The following CABP7 variants were observed in gnomAD, a reference collection of about 807,000 sequenced individuals.
The protein encoded by CABP7 is calcium binding protein 7.
CABP7 carries 13 observed loss-of-function variants against 23.1 expected under a neutral mutation model. That is an observed-to-expected ratio of 0.56 (90% CI 0.37 to 0.90). The LOEUF (loss-of-function observed/expected upper bound fraction) is 0.90. CABP7 is among the 40% of genes least tolerant of loss of function. CABP7 has a pLI of 0.01. For missense variants in CABP7, 248 were observed against 295.6 expected, an observed-to-expected ratio of 0.84 and a Z score of 1.18; for synonymous variants, 123 against 115.3, an observed-to-expected ratio of 1.07 and a Z score of -0.43.
Position 29,720,402 on chromosome 22 carries a change from CG to C in CABP7, c.-20del. On this transcript the variant is annotated 5_prime_UTR_variant, in exon 1 of 5. Coordinates refer to ENST00000216144, the MANE Select transcript of CABP7 (RefSeq NM_182527.3). The surrounding 1 kb of genome is among the most constrained non-coding windows in gnomAD (Gnocchi z 5.2). ...CCCCGGCCTCAAAGTTTGCGGCGGG[CG>C]GGCGGGCGCGGAGCCTCCAAGATGC... 7.0e-7 allele frequency: 1 copy of C among 1,435,782 alleles called. No homozygotes were observed. 88.9% of individuals were successfully genotyped at this position (1,435,782 alleles called of 1,614,324 possible).
At chr22:29,722,270 C>T (rs73390967) in intron 1 of CABP7, among the ~76,000 whole-genome samples, 2,552 of 152,336 alleles carry the variant, frequency 0.017, 78 homozygotes, top group African/African-American at 0.059. Context: ...GGCTGAGAGG[C>T]TGGCTGCAGG....
rs2147210507 is a variant in CABP7, at chr22:29,730,745, C to T, written c.*1176C>T. On this transcript the variant is annotated 3_prime_UTR_variant, in exon 5 of 5. Transcript: ENST00000216144. ...AGATGGAGCCCTTGGGCTCCTTGGG[C>T]CTAGAGCCACTTCTTACCAGGCAAC... 6.5e-6 allele frequency: 1 copy of T among 152,744 alleles called. No homozygotes were observed. Among genetic ancestry groups the T allele is most frequent in the Non-Finnish European group, 1.5e-5 (1 of 68,264 alleles). 9.5% of individuals were successfully genotyped at this position (152,744 alleles called of 1,614,324 possible). A position where few individuals can be genotyped will look rare whatever the true frequency, so the allele number is the denominator to read the frequency against.
chr22:29,731,142 G>A lies in CABP7; in HGVS notation c.*1573G>A, dbSNP rs2067837570. The A allele has an allele frequency of 1.4e-6, 2 of 1,386,600 alleles. No individual in the cohort carries two copies. The highest frequency in any genetic ancestry group is 1.5e-5 in the African/African-American group (1 of 66,198). 85.9% of individuals were successfully genotyped at this position (1,386,600 alleles called of 1,614,324 possible). A position where few individuals can be genotyped will look rare whatever the true frequency, so the allele number is the denominator to read the frequency against. ...GGCAGATGGTCTCGGAGCCTCCATG[G>A]GGCGTAGCAGGAACCGGGCTTGGCT... On this transcript the variant is annotated 3_prime_UTR_variant, in exon 5 of 5. Transcript: ENST00000216144.
intron 1 of CABP7, among the ~76,000 whole-genome samples, chr22:29,721,152 G>C (rs1234767078): frequency 1.3e-5 from 2 of 152,126 alleles, no homozygotes; most frequent in Non-Finnish European, 2.9e-5. Context: ...CAAGTGGCCG[G>C]ACTGGGCGGC....
Position 29,731,133 on chromosome 22 carries a change from G to A in CABP7, c.*1564G>A. 2 of 1,347,140 alleles carry A rather than the reference G, an allele frequency of 1.5e-6. No homozygotes were observed. The highest frequency in any genetic ancestry group is 2.0e-6 in the Non-Finnish European group (2 of 1,025,238). The allele number at this position is 1,347,140 out of a possible 1,614,324, so 83.4% of individuals were successfully genotyped here. A position where few individuals can be genotyped will look rare whatever the true frequency, so the allele number is the denominator to read the frequency against. On this transcript the variant is annotated 3_prime_UTR_variant, in exon 5 of 5. Transcript: ENST00000216144. ...GTGAGGCTGGGCAGATGGTCTCGGA[G>A]CCTCCATGGGGCGTAGCAGGAACCG... is the stretch of plus-strand genomic sequence containing the variant.
chr22:29,720,541 T>G lies in CABP7; in HGVS notation c.109+8T>G. 1 of 1,509,790 alleles carries G rather than the reference T, an allele frequency of 6.6e-7. No individual in the cohort carries two copies. Among genetic ancestry groups the G allele is most frequent in the Non-Finnish European group, 8.9e-7 (1 of 1,125,854 alleles). 93.5% of individuals were successfully genotyped at this position (1,509,790 alleles called of 1,614,324 possible). ...CGGAGGACGAGCTGGAGGGTGAGTG[T>G]CCGCCGGGATCCCCGCCCCGGCGGC... On this transcript the variant is annotated splice_region_variant and intron_variant, in intron 1 of 4. Transcript: ENST00000216144. The surrounding 1 kb of genome is among the most constrained non-coding windows in gnomAD (Gnocchi z 5.2).
rs1442700985 is a variant in CABP7, at chr22:29,729,917, G to C, written c.*348G>C. Reference sequence around the variant, plus strand: ...CCCAGTCGCTGCTGTGGTCCCTTGGGCAGGAGCGGGCACCCTGTGCCTTGA... The same window carrying C: ...CCCAGTCGCTGCTGTGGTCCCTTGGCCAGGAGCGGGCACCCTGTGCCTTGA... On this transcript the variant is annotated 3_prime_UTR_variant, in exon 5 of 5. Coordinates refer to ENST00000216144, the MANE Select transcript of CABP7 (RefSeq NM_182527.3). 3.7e-6 allele frequency: 1 copy of C among 270,040 alleles called. No individual in the cohort carries two copies. The highest frequency in any genetic ancestry group is 7.1e-6 in the Non-Finnish European group (1 of 140,844). 16.7% of individuals were successfully genotyped at this position (270,040 alleles called of 1,614,324 possible).
chr22:29,728,780 C>G, intron 3 of CABP7, 38 bp downstream of exon 3: 1 of 1,413,114 alleles, frequency 7.1e-7, no homozygotes, highest in African/African-American at 1.4e-5. Flanking sequence ...GCTGTGCACA[C>G]TGTGGAGTTC....
At chr22:29,724,921 G>C (rs1715416969) in intron 1 of CABP7, among the ~76,000 whole-genome samples, 1 of 152,188 alleles carries the variant, frequency 6.6e-6, no homozygotes, top group Admixed American at 6.5e-5. Context: ...GGACTCAGGG[G>C]CTCCAGCAAA....
In CABP7 at chr22:29,731,035, G is replaced by A; in HGVS notation, c.*1466G>A. The A allele has an allele frequency of 4.1e-6, 2 of 492,170 alleles. No individual in the cohort carries two copies. Among genetic ancestry groups the A allele is most frequent in the Admixed American group, 7.2e-5 (2 of 27,606 alleles). 30.5% of individuals were successfully genotyped at this position (492,170 alleles called of 1,614,324 possible). A position where few individuals can be genotyped will look rare whatever the true frequency, so the allele number is the denominator to read the frequency against. On this transcript the variant is annotated 3_prime_UTR_variant, in exon 5 of 5. Transcript: ENST00000216144. Reference sequence around the variant, plus strand: ...AAGAAGCAGGGGGGCAGGTGGAGGAGAGTGAGGGGAGAGCTGCCCGGTGCA... The same window carrying A: ...AAGAAGCAGGGGGGCAGGTGGAGGAAAGTGAGGGGAGAGCTGCCCGGTGCA...
At position 29,720,489 on chromosome 22, in the gene CABP7, T is replaced by C. The variant is rs1488887077; in HGVS notation, c.65T>C (p.Leu22Pro). 1.3e-6 allele frequency: 2 copies of C among 1,562,172 alleles called. No homozygotes were observed. Among genetic ancestry groups the C allele is most frequent in the Non-Finnish European group, 1.7e-6 (2 of 1,155,432 alleles). The change falls in exon 1 of 5, where the codon CTG (leucine) becomes CCG (proline). Residue 22 changes from leucine (L) to proline (P), a missense_variant. Physicochemically the swap from Leu to Pro is moderately conservative, Grantham distance 98 (BLOSUM62 -3). Transcript: ENST00000216144. This position sits in a 1 kb window ranked among gnomAD's most constrained non-coding sequence, Gnocchi z 5.2. Reference protein sequence around the residue: ...YRGIYTVPNLLSEQRPVDIPE... With the variant: ...YRGIYTVPNLPSEQRPVDIPE... ...GGCATCTACACCGTGCCCAACCTGC[T>C]GTCGGAGCAGCGCCCGGTGGACATC...
chr22:29,724,350 G>A (rs1480706284), intron 1 of CABP7, among the ~76,000 whole-genome samples: 1 of 152,224 alleles, frequency 6.6e-6, no homozygotes, highest in East Asian at 1.9e-4. Context: ...AGGTGGCCTG[G>A]TGTCCCAAGC....
intron 3 of CABP7, 61 bp from the exon 4 acceptor site, chr22:29,728,994 G>A (rs910454544): frequency 2.9e-5 from 46 of 1,584,024 alleles, no homozygotes; most frequent in Non-Finnish European, 3.5e-5. Context: ...CTGTATGGCC[G>A]TGGGGTGCTG....
intron 2 of CABP7, among the ~76,000 whole-genome samples, chr22:29,728,227 C>T (rs2147208535): frequency 6.6e-6 from 1 of 152,300 alleles, no homozygotes; most frequent in South Asian, 2.1e-4. Context: ...GGCCCTTCTT[C>T]TCCTCTTCTC....
rs1264001955 is a variant in CABP7 at position 29,728,741 on chromosome 22, A to C, written c.365A>C (p.Lys122Thr). The C allele has an allele frequency of 6.2e-7, 1 of 1,603,448 alleles. No homozygotes were observed. Among genetic ancestry groups the C allele is most frequent in the Non-Finnish European group, 8.5e-7 (1 of 1,170,776 alleles). The change falls in exon 3 of 5, where the codon AAG becomes ACG. Residue 122 changes from lysine (K) to threonine (T), a missense_variant and splice_region_variant. Coordinates refer to ENST00000216144, the MANE Select transcript of CABP7 (RefSeq NM_182527.3). ...ACCGACTTTGATACTGTCTTCTGGA[A>C]GGTATCCCCTGGCTAGTTGGGACCC... ...HGTDFDTVFW[K>T]CDMQKLTVDE...
At chr22:29,725,880 G>T (rs567253160) in intron 1 of CABP7, among the ~76,000 whole-genome samples, 1 of 152,160 alleles carries the variant, frequency 6.6e-6, no homozygotes, top group Non-Finnish European at 1.5e-5. Flanking sequence ...AAACCTAAGC[G>T]TGTGTGTGCA....
Position 29,731,561 on chromosome 22 carries a change from TGCAGGCAGACATTGA to T in CABP7, c.*1995_*2009del, listed in dbSNP as rs1260269010. 2 of 561,930 alleles carry T rather than the reference TGCAGGCAGACATTGA, an allele frequency of 3.6e-6. No individual in the cohort carries two copies. Among genetic ancestry groups the T allele is most frequent in the Non-Finnish European group, 2.9e-6 (1 of 340,754 alleles). 34.8% of individuals were successfully genotyped at this position (561,930 alleles called of 1,614,324 possible). Reference sequence around the variant, plus strand: ...ACTGAGCCCAAGGAAATAGCGGGGTTGCAGGCAGACATTGAGCTGCGAGACAATGGGAATAACCTT... The same window carrying T: ...ACTGAGCCCAAGGAAATAGCGGGGTTGCTGCGAGACAATGGGAATAACCTT... On this transcript the variant is annotated 3_prime_UTR_variant, in exon 5 of 5. Transcript: ENST00000216144.
rs1312766916 is a variant in CABP7, at chr22:29,727,438, T to C, written c.110-224T>C. 2.6e-5 allele frequency among the ~76,000 whole-genome samples: 4 copies of C among 152,138 alleles called. No individual in the cohort carries two copies. The highest frequency in any genetic ancestry group is 4.8e-5 in the African/African-American group (2 of 41,426). On this transcript the variant is annotated intron_variant, in intron 1 of 4. Coordinates refer to ENST00000216144, the MANE Select transcript of CABP7 (RefSeq NM_182527.3). The surrounding 1 kb of genome is among the most constrained non-coding windows in gnomAD (Gnocchi z 4.2). ...CAATCAGATCCCAAGAGGTCACTGC[T>C]GGGGGGCCTTGAGCCCTGCTTTACT...
chr22:29,728,865 C>A, intron 3 of CABP7, 123 bp downstream of exon 3: 1 of 996,184 alleles, frequency 1.0e-6, no homozygotes, highest in South Asian at 1.5e-5. Flanking sequence ...GTCCACTGGA[C>A]ATTTCACCTC....
Sources: allele counts gnomAD v4.1 joint callset (sites outside exome capture counted in the v4.1 genomes callset), GRCh38; gene constraint gnomAD v4.1.1; non-coding constraint Gnocchi (gnomAD v3.1); transcripts MANE v1.5; gene names NCBI Gene and HGNC (gene_info 2026-07-23, HGNC 2026-07-21).